Variants in IL37 observed in about 807,000 individuals in gnomAD.
The protein encoded by IL37 is interleukin-37.
IL37 carries 15 observed loss-of-function variants against 15.4 expected under a neutral mutation model. That is an observed-to-expected ratio of 0.98 (90% CI 0.65 to 1.50). The LOEUF is 1.50. Ranked by LOEUF, IL37 falls within the 40% of genes most tolerant of loss-of-function variation. The pLI is 0.00. For synonymous variants in IL37, 98 were observed against 97.4 expected (o/e 1.01, Z -0.03); for missense variants, 269 against 261.7 (o/e 1.03, Z -0.19).
rs1453268859 is a variant in IL37, at chr2:112,917,116, G to A, written c.146-13G>A. The A allele has an allele frequency of 6.2e-7, 1 of 1,613,380 alleles. No individual in the cohort carries two copies. Among genetic ancestry groups the A allele is most frequent in the East Asian group, 2.2e-5 (1 of 44,888 alleles). On this transcript the variant is annotated splice_polypyrimidine_tract_variant and intron_variant, in intron 3 of 5. Transcript: ENST00000263326. Reference sequence around the variant, plus strand: ...TCAATGTGAAGTGTTGATATCTGGTGATATTGATCTAGGTCCAAAGGTGAA... The same window carrying A: ...TCAATGTGAAGTGTTGATATCTGGTAATATTGATCTAGGTCCAAAGGTGAA...
In IL37 at chr2:112,913,845, G is replaced by T. The variant is rs1418439047; in HGVS notation, c.136G>T (p.Val46Phe). The T allele has an allele frequency of 6.2e-7, 1 of 1,613,566 alleles. No homozygotes were observed. The highest frequency in any genetic ancestry group is 8.5e-7 in the Non-Finnish European group (1 of 1,179,504). The change falls in exon 3 of 6, where the codon GTT becomes TTT. Residue 46 changes from valine to phenylalanine, a missense_variant. Coordinates refer to ENST00000263326, the MANE Select transcript of IL37 (RefSeq NM_014439.4). ...CCCAAGCCTCCCCACCATGAATTTT[G>T]TTCACACAAGTAAGGCCTCGGGGTG... ...PGPSLPTMNF[V>F]HTSPKVKNLN...
intron 3 of IL37, 107 bp from the exon 4 acceptor site, chr2:112,917,022 C>A: frequency 7.8e-7 from 1 of 1,282,862 alleles, no homozygotes; most frequent in East Asian, 2.4e-5. Context: ...TGTCTGAGCC[C>A]ACAGGCAGGG....
intron 2 of IL37, among the ~76,000 whole-genome samples, chr2:112,913,435 C>G (rs3811043): frequency 0.59 from 90,192 of 152,094 alleles, 29,992 homozygotes; most frequent in East Asian, 0.82. Context: ...CGATGAGAAG[C>G]AGCTCTCTAA....
At chr2:112,917,501 C>A in intron 4 of IL37, 134 bp from the exon 5 acceptor site, 1 of 980,020 alleles carries the variant, frequency 1.0e-6, no homozygotes, top group Non-Finnish European at 1.5e-6. Context: ...GAGGCTTAAA[C>A]CAGTGTGATG....
chr2:112,911,703 G>A (rs1241879369), intron 1 of IL37, among the ~76,000 whole-genome samples: 1 of 152,164 alleles, frequency 6.6e-6, no homozygotes, highest in Non-Finnish European at 1.5e-5. Flanking sequence ...ACCCCCGAGG[G>A]ATGGCCCCAG....
rs765216544 is a variant in IL37 at position 112,917,677 on chromosome 2, C to T, written c.308C>T (p.Ala103Val). Reference protein sequence around the residue: ...ALASSLSSASAEKGSPILLGV... With the variant: ...ALASSLSSASVEKGSPILLGV... ...GCCTCATCCTTGAGCTCAGCCTCTG[C>T]GGAGAAAGGAAGTCCGATTCTCCTG... The change falls in exon 5 of 6, where the codon GCG becomes GTG. Residue 103 changes from alanine (A) to valine (V), a missense_variant. Coordinates refer to ENST00000263326, the MANE Select transcript of IL37 (RefSeq NM_014439.4). The T allele has an allele frequency of 8.0e-5, 129 of 1,608,864 alleles. No homozygotes were observed. The highest frequency in any genetic ancestry group is 5.6e-5 in the Non-Finnish European group (66 of 1,177,884).
intron 3 of IL37, chr2:112,915,330 T>A: frequency 7.8e-7 from 1 of 1,276,560 alleles, no homozygotes; most frequent in Non-Finnish European, 1.1e-6. Context: ...CACCCTGGAC[T>A]AACTGAATGA....
intron 1 of IL37, among the ~76,000 whole-genome samples, 136 bp downstream of exon 1, chr2:112,911,384 C>A (rs1281605810): frequency 6.6e-6 from 1 of 152,188 alleles, no homozygotes; most frequent in Non-Finnish European, 1.5e-5. Context: ...TCTCTGAGAC[C>A]TGCCCAGAAC....
intron 3 of IL37, chr2:112,915,348 A>G (rs1683282824): frequency 9.6e-7 from 1 of 1,042,996 alleles, no homozygotes; most frequent in Non-Finnish European, 1.4e-6. Flanking sequence ...TGAGAATCTC[A>G]GGAGTGTGAG....
chr2:112,916,126 A>G (rs1339354556), intron 3 of IL37, among the ~76,000 whole-genome samples: 1 of 152,210 alleles, frequency 6.6e-6, no homozygotes, highest in African/African-American at 2.4e-5. Context: ...ATGGGAAAAG[A>G]ATGACACCTT....
chr2:112,917,644 T>C lies in IL37; in HGVS notation c.275T>C (p.Phe92Ser), dbSNP rs1422622181. 1 of 1,572,282 alleles carries C rather than the reference T, an allele frequency of 6.4e-7. No individual in the cohort carries two copies. Among genetic ancestry groups the C allele is most frequent in the East Asian group, 2.3e-5 (1 of 44,418 alleles). ...GACTGTCTTTTTCCAGAGATCTTCT[T>C]TGCATTAGCCTCATCCTTGAGCTCA... ...DKNYIRPEIF[F>S]ALASSLSSAS... The change falls in exon 5 of 6, where the codon TTT becomes TCT. Residue 92 changes from phenylalanine to serine, a missense_variant. Coordinates refer to ENST00000263326, the MANE Select transcript of IL37 (RefSeq NM_014439.4).
intron 3 of IL37, chr2:112,915,344 T>A (rs575449439): frequency 1.1e-5 from 13 of 1,177,936 alleles, no homozygotes; most frequent in Non-Finnish European, 1.5e-5. Context: ...TGAATGAGAA[T>A]CTCAGGAGTG....
At chr2:112,918,412 C>A in intron 5 of IL37, 149 bp from the exon 6 acceptor site, 1 of 829,826 alleles carries the variant, frequency 1.2e-6, no homozygotes, top group Non-Finnish European at 1.8e-6. Flanking sequence ...AATACCAGTA[C>A]CAAGGCTGAC....
chr2:112,915,944 C>T (rs1283866652), intron 3 of IL37, among the ~76,000 whole-genome samples: 9 of 152,096 alleles, frequency 5.9e-5, no homozygotes, highest in Non-Finnish European at 7.4e-5. Context: ...GAGTGCAGAG[C>T]GCTGCAGCAC....
Position 112,917,789 on chromosome 2 carries a change from A to C in IL37, c.408+12A>C, listed in dbSNP as rs375215039. 363 of 1,613,830 alleles carry C rather than the reference A, an allele frequency of 2.2e-4. No homozygotes were observed. The highest frequency in any genetic ancestry group is 2.8e-4 in the Non-Finnish European group (335 of 1,179,956). ...CCCTTCAGCTGAAGGTGAGAGTTCT[A>C]GCTCAGTTTCCTGGGCCTTTGGCTA... On this transcript the variant is annotated intron_variant, in intron 5 of 5. Transcript: ENST00000263326.
intron 3 of IL37, chr2:112,915,257 G>A: frequency 6.2e-7 from 1 of 1,613,216 alleles, no homozygotes. Context: ...AAGCGCTTAA[G>A]AGGTACAAAG....
At chr2:112,912,206 AT>A (rs1337076392) in intron 1 of IL37, among the ~76,000 whole-genome samples, 2 of 152,086 alleles carry the variant, frequency 1.3e-5, no homozygotes, top group Non-Finnish European at 2.9e-5. Context: ...GGGAATACCA[AT>A]TTTTGCTCCA....
intron 1 of IL37, among the ~76,000 whole-genome samples, chr2:112,911,711 C>T (rs1383924684): frequency 1.3e-5 from 2 of 152,204 alleles, no homozygotes; most frequent in Non-Finnish European, 2.9e-5. Context: ...GGGATGGCCC[C>T]AGGTCCTCCA....
chr2:112,913,722 G>A (rs1683232843), intron 2 of IL37, 70 bp from the exon 3 acceptor site: 2 of 1,187,844 alleles, frequency 1.7e-6, no homozygotes, highest in South Asian at 1.3e-5. Context: ...GGAATTAAAT[G>A]GTCTTTGATA....
Sources: allele counts gnomAD v4.1 joint callset (sites outside exome capture counted in the v4.1 genomes callset), GRCh38; gene constraint gnomAD v4.1.1; transcripts MANE v1.5; gene names NCBI Gene and HGNC (gene_info 2026-07-23, HGNC 2026-07-21).